Variants in IMMP2L observed in about 807,000 individuals in gnomAD.
IMMP2L encodes mitochondrial inner membrane protease subunit 2.
IMMP2L carries 18 observed loss-of-function variants against 19.3 expected under a neutral mutation model. That is an observed-to-expected ratio of 0.93 (90% CI 0.64 to 1.38). The LOEUF (loss-of-function observed/expected upper bound fraction) is 1.38, where lower values mean the gene tolerates loss of function less well. Among genes scored for constraint, IMMP2L ranks in the 40% most tolerant of loss-of-function variants. IMMP2L has a pLI of 0.00. For synonymous variants in IMMP2L, 76 were observed against 73.0 expected, an observed-to-expected ratio of 1.04 and a Z score of -0.21; for missense variants, 233 against 218.2, an observed-to-expected ratio of 1.07 and a Z score of -0.43.
chr7:111,494,984 T>G (rs991691518), intron 2 of IMMP2L, among the ~76,000 whole-genome samples: 1 of 152,150 alleles, frequency 6.6e-6, no homozygotes, highest in Non-Finnish European at 1.5e-5. Flanking sequence ...CAAGTAAAGT[T>G]AGGATGCTTT....
chr7:111,181,199 A>G (rs1048898231), intron 3 of IMMP2L, among the ~76,000 whole-genome samples: 18 of 152,054 alleles, frequency 1.2e-4, no homozygotes, highest in African/African-American at 4.1e-4. Flanking sequence ...ATTTAACATC[A>G]CTGAGCCTAA....
intron 3 of IMMP2L, among the ~76,000 whole-genome samples, chr7:111,212,920 A>G (rs781601691): frequency 1.4e-4 from 22 of 152,076 alleles, no homozygotes; most frequent in Non-Finnish European, 2.4e-4. Context: ...AGAGTTCTCA[A>G]TCCTCATGAC....
At chr7:110,780,934 A>G (rs1660960651) in intron 5 of IMMP2L, among the ~76,000 whole-genome samples, 1 of 151,842 alleles carries the variant, frequency 6.6e-6, no homozygotes, top group Non-Finnish European at 1.5e-5. Context: ...GTGTGGGCTT[A>G]TTATGTACAG....
chr7:111,237,672 G>A lies in IMMP2L; in HGVS notation c.239+249566C>T, dbSNP rs190216851. On this transcript the variant is annotated intron_variant, in intron 3 of 5. Coordinates refer to ENST00000405709, the MANE Select transcript of IMMP2L (RefSeq NM_032549.4). ...ATCATAGAAATTACACCTTATAAAT[G>A]TATATAATCTGTTTCTTTAAAAAAA... is the stretch of plus-strand genomic sequence containing the variant. 2.0e-5 allele frequency among the ~76,000 whole-genome samples: 3 copies of A among 151,516 alleles called. No homozygotes were observed. In the East Asian group the frequency reaches 5.8e-4, roughly 29 times the overall value.
intron 3 of IMMP2L, among the ~76,000 whole-genome samples, chr7:111,353,949 T>C (rs1035563262): frequency 6.6e-6 from 1 of 152,058 alleles, no homozygotes; most frequent in Non-Finnish European, 1.5e-5. Flanking sequence ...GCTGCCTACA[T>C]AGGGTCCTCT....
chr7:110,928,298 C>A, intron 4 of IMMP2L, among the ~76,000 whole-genome samples: 1 of 142,880 alleles, frequency 7.0e-6, no homozygotes, highest in African/African-American at 2.6e-5. Flanking sequence ...AATTTATTAT[C>A]CAAAATATAA....
intron 3 of IMMP2L, among the ~76,000 whole-genome samples, chr7:111,274,685 AAG>A (rs1005802892): frequency 6.6e-6 from 1 of 152,180 alleles, no homozygotes; most frequent in African/African-American, 2.4e-5. Flanking sequence ...TATATCTCAA[AAG>A]AGAGAAGGGT....
At chr7:111,257,736 G>A (rs535738070) in intron 3 of IMMP2L, among the ~76,000 whole-genome samples, 2 of 152,054 alleles carry the variant, frequency 1.3e-5, no homozygotes, top group East Asian at 1.9e-4. Context: ...GATTACACTG[G>A]TACAAAATAT....
chr7:111,007,264 C>T (rs1394156948), intron 3 of IMMP2L, among the ~76,000 whole-genome samples: 4 of 152,190 alleles, frequency 2.6e-5, no homozygotes, highest in Admixed American at 2.6e-4. Context: ...GGGGAAATCA[C>T]CCTCATTATC....
rs530591082 is a variant in IMMP2L at position 111,237,831 on chromosome 7, C to G, written c.239+249407G>C. Among the ~76,000 whole-genome samples the G allele has an allele frequency of 7.3e-4, 111 of 152,008 alleles. 1 individual carries two copies. The highest frequency in any genetic ancestry group is 1.1e-3 in the Non-Finnish European group (73 of 67,954). ...GCTCATGAGCTCTAAAGTAAAATAG[C>G]CTTCAAGATAAATAACACCTCTATA... On this transcript the variant is annotated intron_variant, in intron 3 of 5. Coordinates refer to ENST00000405709, the MANE Select transcript of IMMP2L (RefSeq NM_032549.4).
At chr7:111,241,547 A>G (rs913025561) in intron 3 of IMMP2L, among the ~76,000 whole-genome samples, 59 of 152,078 alleles carry the variant, frequency 3.9e-4, no homozygotes, top group African/African-American at 1.4e-3. Context: ...AACCCTACAC[A>G]TGAAATGATT....
At chr7:111,551,654 C>G (rs1563347976) in intron 1 of IMMP2L, among the ~76,000 whole-genome samples, 1 of 151,898 alleles carries the variant, frequency 6.6e-6, no homozygotes, top group Non-Finnish European at 1.5e-5. Flanking sequence ...ACCTATAAGA[C>G]AGGCTCAAAG....
chr7:110,673,659 G>T (rs185786884), intron 5 of IMMP2L, among the ~76,000 whole-genome samples: 1 of 152,248 alleles, frequency 6.6e-6, no homozygotes, highest in Admixed American at 6.5e-5. Context: ...GATCTCTAGG[G>T]CAGGGGGAAA....
intron 5 of IMMP2L, among the ~76,000 whole-genome samples, chr7:110,854,601 T>C (rs1323027657): frequency 3.9e-5 from 6 of 151,954 alleles, no homozygotes; most frequent in Non-Finnish European, 7.4e-5. Flanking sequence ...TCTAGCCAGA[T>C]GAAATAACAT....
intron 5 of IMMP2L, among the ~76,000 whole-genome samples, chr7:110,666,367 T>C (rs949145697): frequency 3.3e-5 from 5 of 152,032 alleles, no homozygotes; most frequent in Non-Finnish European, 5.9e-5. Flanking sequence ...CTCCACCTCC[T>C]GGGGTCACGC....
intron 3 of IMMP2L, among the ~76,000 whole-genome samples, chr7:111,469,277 T>A (rs566433904): frequency 6.6e-6 from 1 of 152,244 alleles, no homozygotes; most frequent in African/African-American, 2.4e-5. Context: ...AGTAGTTTTT[T>A]CCAATTCTGT....
chr7:111,259,272 T>G (rs998340186), intron 3 of IMMP2L, among the ~76,000 whole-genome samples: 12 of 152,142 alleles, frequency 7.9e-5, no homozygotes, highest in African/African-American at 2.9e-4. Context: ...AGGACTTTAC[T>G]GCACTACTGT....
chr7:110,972,005 G>A (rs1312439585), intron 3 of IMMP2L, among the ~76,000 whole-genome samples: 2 of 151,978 alleles, frequency 1.3e-5, no homozygotes, highest in African/African-American at 2.4e-5. Context: ...TAGAACATAA[G>A]TAGAATATGA....
At chr7:110,695,273 T>A (rs922110654) in intron 5 of IMMP2L, among the ~76,000 whole-genome samples, 1 of 152,050 alleles carries the variant, frequency 6.6e-6, no homozygotes, top group Non-Finnish European at 1.5e-5. Flanking sequence ...CTCACTGCAG[T>A]CTCAACCTTC....
Sources: gnomAD v4.1 joint callset for allele counts (sites outside exome capture counted in the v4.1 genomes callset) on GRCh38, gnomAD v4.1.1 for gene constraint, MANE v1.5 for transcripts, NCBI Gene and HGNC (gene_info 2026-07-23, HGNC 2026-07-21) for gene names.